TBX1: variants seen among roughly 807,000 people sequenced by gnomAD.
TBX1 encodes the protein T-box transcription factor 1, also known as T-box transcription factor TBX1.
TBX1 carries 16 observed loss-of-function variants against 40.8 expected under a neutral mutation model. That is an observed-to-expected ratio of 0.39 (90% CI 0.27 to 0.60). The LOEUF (loss-of-function observed/expected upper bound fraction) is 0.60. Among genes scored for constraint, TBX1 ranks in the 20% least tolerant of loss-of-function variants. TBX1 has a pLI of 0.51. For synonymous variants in TBX1, 403 were observed against 336.8 expected, an observed-to-expected ratio of 1.20 and a Z score of -2.15; for missense variants, 755 against 728.5, an observed-to-expected ratio of 1.04 and a Z score of -0.42.
At chr22:19,780,341 C>A (rs41298018), downstream of TBX1, among the ~76,000 whole-genome samples, 2,579 of 152,282 alleles carry the variant, frequency 0.017, 57 homozygotes, top group African/African-American at 0.054. Context: ...CTACTCTAGG[C>A]GCCTCATGTA....
chr22:19,779,622 A>G (rs1937119019), downstream of TBX1: 5 of 1,152,572 alleles, frequency 4.3e-6, no homozygotes, highest in Admixed American at 5.8e-5. Flanking sequence ...TTCTCCTGAC[A>G]TTTAAACATT....
In TBX1 at chr22:19,765,044, G is replaced by T; in HGVS notation, c.798G>T (p.Glu266Asp). 1 of 1,614,226 alleles carries T rather than the reference G, an allele frequency of 6.2e-7. No homozygotes were observed. Among genetic ancestry groups the T allele is most frequent in the East Asian group, 2.2e-5 (1 of 44,892 alleles). ...GCAAAGATAGCGAGAAATATGCCGA[G>T]GAGAACTTCAAAACCTTTGTGTTCG... ...DPRKDSEKYA[E>D]ENFKTFVFEE... is the part of the protein sequence containing the mutation. The change falls in exon 4 of 7, where the codon GAG (glutamate) becomes GAT (aspartate). Residue 266 changes from glutamate to aspartate, a missense_variant. Transcript: ENST00000649276.
At chr22:19,783,473 C>T (rs543184679), downstream of TBX1, 23 of 268,932 alleles carry the variant, frequency 8.6e-5, no homozygotes, top group East Asian at 1.9e-3. Flanking sequence ...TCACTTGAGC[C>T]TATTAGTTGG....
downstream of TBX1, among the ~76,000 whole-genome samples, chr22:19,771,193 C>A (rs892596511): frequency 6.6e-6 from 1 of 152,224 alleles, no homozygotes; most frequent in Non-Finnish European, 1.5e-5. Flanking sequence ...CCTGCAGAGC[C>A]TGGCCAAGGA....
intron 1 of TBX1, among the ~76,000 whole-genome samples, chr22:19,761,550 G>A (rs1242021868): frequency 1.3e-5 from 2 of 151,516 alleles, no homozygotes; most frequent in Non-Finnish European, 2.9e-5. Flanking sequence ...AGCCCCGCGG[G>A]ACTCGCCCGC....
chr22:19,763,064 G>A (rs1936718958), intron 1 of TBX1, among the ~76,000 whole-genome samples, 177 bp from the exon 2 acceptor site: 1 of 152,220 alleles, frequency 6.6e-6, no homozygotes, highest in Non-Finnish European at 1.5e-5. Context: ...CAGTTGAGTA[G>A]GGGCCTGCCC....
intron 8 of TBX1, among the ~76,000 whole-genome samples, chr22:19,777,934 G>GT (rs1416348410): frequency 6.6e-6 from 1 of 151,558 alleles, no homozygotes; most frequent in Non-Finnish European, 1.5e-5. Flanking sequence ...TAATTTTTAA[G>GT]TTTTTTGTGG....
chr22:19,777,272 C>G (rs565905763), intron 8 of TBX1, among the ~76,000 whole-genome samples: 1 of 151,544 alleles, frequency 6.6e-6, no homozygotes, highest in African/African-American at 2.4e-5. Context: ...CGTGTGTTCT[C>G]ATTGTTCAAT....
At chr22:19,764,862 C>G (rs1936780259) in intron 3 of TBX1, 96 bp from the exon 4 acceptor site, 1 of 1,471,670 alleles carries the variant, frequency 6.8e-7, no homozygotes, top group Admixed American at 1.7e-5. Context: ...CCAGGAAACT[C>G]ATTGCCAACT....
At position 19,763,227 on chromosome 22, in the gene TBX1, CT is replaced by C. The variant is rs777600485; in HGVS notation, c.438-13del. 2 of 1,611,956 alleles carry C rather than the reference CT, an allele frequency of 1.2e-6. No individual in the cohort carries two copies. The highest frequency in any genetic ancestry group is 2.2e-5 in the South Asian group (2 of 91,010). ...TCCACCAGCTAGGGTGACCCAAGGC[CT>C]CATCACCCCCAGGCGGATGTTTCCC... On this transcript the variant is annotated splice_polypyrimidine_tract_variant and intron_variant, in intron 1 of 6. Coordinates refer to ENST00000649276, the MANE Select transcript of TBX1 (RefSeq NM_001379200.1).
chr22:19,761,407 C>T (rs1378070566), intron 1 of TBX1, 127 bp downstream of exon 1: 10 of 1,242,130 alleles, frequency 8.1e-6, no homozygotes, highest in African/African-American at 1.6e-5. Flanking sequence ...ACCTGCGGGC[C>T]CCTCTGGGCC....
downstream of TBX1, among the ~76,000 whole-genome samples, chr22:19,769,614 C>T (rs1936954583): frequency 6.6e-6 from 1 of 152,258 alleles, no homozygotes; most frequent in African/African-American, 2.4e-5. Flanking sequence ...GGCTGTCTGG[C>T]TGATGCCCCA....
At chr22:19,763,801 G>C in intron 2 of TBX1, 6 of 452,310 alleles carry the variant, frequency 1.3e-5, no homozygotes, top group Non-Finnish European at 2.4e-5. Flanking sequence ...TAAAGAGAAC[G>C]CGCACTGCCC....
chr22:19,764,922 C>T, intron 3 of TBX1, 36 bp from the exon 4 acceptor site: 1 of 1,613,318 alleles, frequency 6.2e-7, no homozygotes. Context: ...CAGCCCAGCC[C>T]CACCGCTGGA....
In TBX1 at chr22:19,761,028, G is replaced by GCGC. The variant is rs1032291296; in HGVS notation, c.196_198dup (p.Ala66dup). 7.8e-6 allele frequency: 7 copies of GCGC among 898,626 alleles called. No homozygotes were observed. The Admixed American group carries it at 3.2e-4, about 41-fold the overall frequency. The allele number at this position is 898,626 out of a possible 1,614,324, so 55.7% of individuals were successfully genotyped here. A position where few individuals can be genotyped will look rare whatever the true frequency, so the allele number is the denominator to read the frequency against. ...CCGCCGCCGCCGCGCTACGACCCGT[G>GCGC]CGCCGCCGCCGCCCCCGGCGCCCCG... On this transcript the variant is annotated inframe_insertion, in exon 1 of 7. Coordinates refer to ENST00000649276, the MANE Select transcript of TBX1 (RefSeq NM_001379200.1).
At chr22:19,759,499 C>T, upstream of TBX1, 8 of 1,490,038 alleles carry the variant, frequency 5.4e-6, no homozygotes, top group Non-Finnish European at 7.1e-6. Context: ...CGCCTATGGA[C>T]GCGCGGAGCC....
chr22:19,774,553 G>C (rs905354657), intron 8 of TBX1, among the ~76,000 whole-genome samples: 7 of 152,180 alleles, frequency 4.6e-5, no homozygotes, highest in Non-Finnish European at 8.8e-5. Context: ...AATAGCAAAA[G>C]GTGGAGGCGA....
chr22:19,761,502 C>G lies in TBX1; in HGVS notation c.437+222C>G, dbSNP rs996535564. On this transcript the variant is annotated intron_variant, in intron 1 of 6. Coordinates refer to ENST00000649276, the MANE Select transcript of TBX1 (RefSeq NM_001379200.1). Reference sequence around the variant, plus strand: ...TCCTAACACCTATCCTCCGCCGGGGCGGGAGGAGACGGCGCGGGCCGCACG... The same window carrying G: ...TCCTAACACCTATCCTCCGCCGGGGGGGGAGGAGACGGCGCGGGCCGCACG... Among the ~76,000 whole-genome samples the G allele has an allele frequency of 9.7e-4, 147 of 151,750 alleles. 1 individual carries two copies. Among genetic ancestry groups the G allele is most frequent in the African/African-American group, 3.4e-3 (143 of 41,502 alleles).
At chr22:19,775,510 C>T (rs540353475) in intron 8 of TBX1, among the ~76,000 whole-genome samples, 24 of 152,226 alleles carry the variant, frequency 1.6e-4, no homozygotes, top group African/African-American at 4.1e-4. Context: ...GCCTCTAAAG[C>T]GGTGGTTTTT....
Sources: gnomAD v4.1 joint callset for allele counts (sites outside exome capture counted in the v4.1 genomes callset) on GRCh38, gnomAD v4.1.1 for gene constraint, MANE v1.5 for transcripts, NCBI Gene and HGNC (gene_info 2026-07-23, HGNC 2026-07-21) for gene names.